The following ASS1 variants were observed in gnomAD, a reference collection of about 807,000 sequenced individuals.
ASS1 encodes argininosuccinate synthase.
A neutral mutation model predicts 60.5 loss-of-function variants in ASS1; 58 were observed. That is an observed-to-expected ratio of 0.96 (90% confidence interval 0.78 to 1.19). The LOEUF is 1.19. Among genes scored for constraint, ASS1 ranks in the 50% most tolerant of loss-of-function variants. The pLI, the probability that ASS1 is intolerant of heterozygous loss-of-function variation, is 0.00. For synonymous variants in ASS1, 200 were observed against 206.9 expected (o/e 0.97, Z 0.29); for missense variants, 454 against 547.3 (o/e 0.83, Z 1.70).
rs1846548702 is a variant in ASS1, at chr9:130,495,087, C to G, written c.1127+64C>G. 2.0e-6 allele frequency: 3 copies of G among 1,535,376 alleles called. No individual in the cohort carries two copies. The Middle Eastern group carries it at 5.0e-4, about 257-fold the overall frequency. On this transcript the variant is annotated intron_variant, in intron 13 of 14. Coordinates refer to ENST00000352480, the MANE Select transcript of ASS1 (RefSeq NM_054012.4). ...ACAGAGCCTATCTTTTGACTGGATC[C>G]TCAAGACATCTGTGCCTGAGCACAT...
intron 12 of ASS1, among the ~76,000 whole-genome samples, chr9:130,490,205 G>A (rs1297810222): frequency 2.0e-5 from 3 of 152,268 alleles, no homozygotes; most frequent in Non-Finnish European, 2.9e-5. Context: ...CCCTCATGTG[G>A]TGTAACAGAG....
chr9:130,468,865 GT>G (rs1379957792), intron 6 of ASS1, among the ~76,000 whole-genome samples: 4 of 152,232 alleles, frequency 2.6e-5, no homozygotes, highest in African/African-American at 7.2e-5. Flanking sequence ...TTGTCTACAT[GT>G]TGGAGATCGT....
In ASS1 at chr9:130,477,678, AGGGCTCAGAGGGC is replaced by A. The variant is rs1483621266; in HGVS notation, c.688+731_688+743del. ...GGCATGCCCGCCTGGGCTCAGAGGG[AGGGCTCAGAGGGC>A]GGGCTCAGAGGGCCTGAAGGGGTAC... On this transcript the variant is annotated intron_variant, in intron 9 of 14. Coordinates refer to ENST00000352480, the MANE Select transcript of ASS1 (RefSeq NM_054012.4). The surrounding 1 kb of genome is among the most constrained non-coding windows in gnomAD (Gnocchi z 4.2). 4.6e-5 allele frequency among the ~76,000 whole-genome samples: 7 copies of A among 152,058 alleles called. No individual in the cohort carries two copies. Among genetic ancestry groups the A allele is most frequent in the South Asian group, 2.1e-4 (1 of 4,822 alleles).
At position 130,476,977 on chromosome 9, in the gene ASS1, T is replaced by C. The variant is rs1410607597; in HGVS notation, c.688+16T>C. ...TTCAAAAAAGGTATGTGCCCACCTGTTGGGACTCGAAGGGGGTTGACTTTT... is the reference window on the plus strand; with the variant it reads ...TTCAAAAAAGGTATGTGCCCACCTGCTGGGACTCGAAGGGGGTTGACTTTT... On this transcript the variant is annotated intron_variant, in intron 9 of 14. Coordinates refer to ENST00000352480, the MANE Select transcript of ASS1 (RefSeq NM_054012.4). This position sits in a 1 kb window ranked among gnomAD's most constrained non-coding sequence, Gnocchi z 4.9. 6.2e-7 allele frequency: 1 copy of C among 1,610,568 alleles called. No individual in the cohort carries two copies. The highest frequency in any genetic ancestry group is 1.7e-5 in the Admixed American group (1 of 60,024).
intron 4 of ASS1, among the ~76,000 whole-genome samples, chr9:130,460,121 C>A (rs1845554086): frequency 6.6e-6 from 1 of 152,210 alleles, no homozygotes; most frequent in South Asian, 2.1e-4. Context: ...CACTACCTCG[C>A]CTGCCCGGGC....
chr9:130,489,599 G>C lies in ASS1; in HGVS notation c.970+135G>C, dbSNP rs1375485274. The stretch of plus-strand genomic sequence containing the variant: ...GCCGCCCACTGCCATCCTCATGTGA[G>C]ACCCCAAAAGGTGCAGGCCAAAGGG... On this transcript the variant is annotated intron_variant, in intron 12 of 14. Coordinates refer to ENST00000352480, the MANE Select transcript of ASS1 (RefSeq NM_054012.4). This position sits in a 1 kb window ranked among gnomAD's most constrained non-coding sequence, Gnocchi z 4.1. 6.9e-7 allele frequency: 1 copy of C among 1,457,504 alleles called. No individual in the cohort carries two copies. The highest frequency in any genetic ancestry group is 2.3e-5 in the East Asian group (1 of 44,000). The allele number at this position is 1,457,504 out of a possible 1,614,324, so 90.3% of individuals were successfully genotyped here. A position where few individuals can be genotyped will look rare whatever the true frequency, so the allele number is the denominator to read the frequency against.
intron 4 of ASS1, among the ~76,000 whole-genome samples, chr9:130,461,917 G>A (rs567255578): frequency 1.2e-4 from 19 of 152,312 alleles, no homozygotes; most frequent in African/African-American, 4.6e-4. Flanking sequence ...ATGTTGGGGG[G>A]ACAACGGATT....
intron 1 of ASS1, among the ~76,000 whole-genome samples, chr9:130,447,929 C>T (rs1845233009): frequency 6.6e-6 from 1 of 152,134 alleles, no homozygotes; most frequent in African/African-American, 2.4e-5. Flanking sequence ...CCAATCCTTA[C>T]AGTCGCCCTG....
At chr9:130,446,583 G>C (rs1209370757) in intron 1 of ASS1, among the ~76,000 whole-genome samples, 2 of 152,252 alleles carry the variant, frequency 1.3e-5, no homozygotes, top group Non-Finnish European at 2.9e-5. Flanking sequence ...GACACGTCGT[G>C]AGAGGGAAGG....
intron 11 of ASS1, among the ~76,000 whole-genome samples, chr9:130,483,206 G>C (rs1846211713): frequency 6.6e-6 from 1 of 152,080 alleles, no homozygotes; most frequent in South Asian, 2.1e-4. Flanking sequence ...ACAGTAATGA[G>C]AGAAGCTGTT....
intron 11 of ASS1, among the ~76,000 whole-genome samples, chr9:130,486,828 G>C (rs1408863341): frequency 6.6e-6 from 1 of 152,220 alleles, no homozygotes; most frequent in Admixed American, 6.5e-5. Flanking sequence ...CCCCCAGAGA[G>C]GTTCCCTTCT....
intron 4 of ASS1, among the ~76,000 whole-genome samples, chr9:130,460,233 C>T (rs963562127): frequency 1.2e-4 from 18 of 152,258 alleles, no homozygotes; most frequent in Middle Eastern, 3.4e-3. Flanking sequence ...GGAGGAGACG[C>T]GGTTGATTTG....
rs758038108 is a variant in ASS1, at chr9:130,452,316, G to T, written c.88G>T (p.Asp30Tyr). The change falls in exon 2 of 15, where the codon GAC becomes TAC. Residue 30 changes from aspartate to tyrosine, a missense_variant. Physicochemically the swap from Asp to Tyr is radical, Grantham distance 160. Transcript: ENST00000352480. Reference protein sequence around the residue: ...ILVWLKEQGYDVIAYLANIGQ... With the variant: ...ILVWLKEQGYYVIAYLANIGQ... ...CGTGTGGCTGAAGGAACAAGGCTAT[G>T]ACGTCATTGCCTATCTGGTGAGGGA... The T allele has an allele frequency of 6.2e-7, 1 of 1,613,994 alleles. No homozygotes were observed. Among genetic ancestry groups the T allele is most frequent in the Non-Finnish European group, 8.5e-7 (1 of 1,179,972 alleles).
intron 4 of ASS1, among the ~76,000 whole-genome samples, chr9:130,461,824 C>T (rs1305689342): frequency 6.6e-6 from 1 of 152,162 alleles, no homozygotes; most frequent in Non-Finnish European, 1.5e-5. Flanking sequence ...GAGTATCCAC[C>T]CAGCACTGCC....
chr9:130,479,659 G>A (rs372485924), intron 9 of ASS1, 57 bp from the exon 10 acceptor site: 70 of 1,402,968 alleles, frequency 5.0e-5, no homozygotes, highest in African/African-American at 1.1e-4. Context: ...GGTGGCGGGT[G>A]CAGACTCCTC....
In ASS1 at chr9:130,477,691, C is replaced by T. The variant is rs977721951; in HGVS notation, c.688+730C>T. Among the ~76,000 whole-genome samples, 1 of 152,112 alleles carries T rather than the reference C, an allele frequency of 6.6e-6. No individual in the cohort carries two copies. Among genetic ancestry groups the T allele is most frequent in the African/African-American group, 2.4e-5 (1 of 41,416 alleles). On this transcript the variant is annotated intron_variant, in intron 9 of 14. Coordinates refer to ENST00000352480, the MANE Select transcript of ASS1 (RefSeq NM_054012.4). This position sits in a 1 kb window ranked among gnomAD's most constrained non-coding sequence, Gnocchi z 4.2. The stretch of plus-strand genomic sequence containing the variant: ...GGGCTCAGAGGGAGGGCTCAGAGGG[C>T]GGGCTCAGAGGGCCTGAAGGGGTAC...
chr9:130,472,221 A>G (rs1361328971), intron 8 of ASS1, among the ~76,000 whole-genome samples: 2 of 151,970 alleles, frequency 1.3e-5, no homozygotes, highest in Non-Finnish European at 2.9e-5. Flanking sequence ...TGGAGGCGGG[A>G]AAAGTGTGCT....
rs1030004902 is a variant in ASS1, at chr9:130,470,451, T to G, written c.496-383T>G. On this transcript the variant is annotated intron_variant, in intron 6 of 14. Transcript: ENST00000352480. This position sits in a 1 kb window ranked among gnomAD's most constrained non-coding sequence, Gnocchi z 4.3. ...TGGGCTCTGGTGCCAGGTGCCCCGG[T>G]CCACAGTGCGAGCGGGTTCACACAA... Among the ~76,000 whole-genome samples the G allele has an allele frequency of 6.6e-5, 10 of 152,156 alleles. No individual in the cohort carries two copies. Among genetic ancestry groups the G allele is most frequent in the Non-Finnish European group, 1.5e-4 (10 of 68,006 alleles).
intron 8 of ASS1, among the ~76,000 whole-genome samples, chr9:130,474,796 A>G (rs550648295): frequency 6.5e-4 from 99 of 152,344 alleles, no homozygotes; most frequent in Non-Finnish European, 1.2e-3. Flanking sequence ...TGGCGGAAAG[A>G]GTCCCTGTGT....
Sources: allele counts gnomAD v4.1 joint callset (sites outside exome capture counted in the v4.1 genomes callset), GRCh38; gene constraint gnomAD v4.1.1; non-coding constraint Gnocchi (gnomAD v3.1); transcripts MANE v1.5; gene names NCBI Gene and HGNC (gene_info 2026-07-23, HGNC 2026-07-21).